Variants in SPECC1L observed in about 807,000 individuals in gnomAD.
The protein encoded by SPECC1L is cytospin-A.
In SPECC1L, 40 loss-of-function variants were observed where a neutral mutation model predicts 116.8. That is an observed-to-expected ratio of 0.34 (90% confidence interval 0.27 to 0.45). The LOEUF is 0.45. Among genes scored for constraint, SPECC1L ranks in the 20% least tolerant of loss-of-function variants. The probability of loss-of-function intolerance (pLI) is 1.00; values close to 1 mark genes in which losing one functional copy is unlikely to be tolerated. For synonymous variants in SPECC1L, 504 were observed against 500.6 expected (o/e 1.01, Z -0.09); for missense variants, 1,110 against 1,373.6 (o/e 0.81, Z 3.03).
intron 3 of SPECC1L, among the ~76,000 whole-genome samples, chr22:24,303,938 G>C (rs2049437876): frequency 6.6e-6 from 1 of 151,534 alleles, no homozygotes; most frequent in African/African-American, 2.4e-5. Context: ...TTTTCCTGGA[G>C]TGGAGCAATT....
At chr22:24,367,133 G>T (rs2041785077) in intron 13 of SPECC1L, among the ~76,000 whole-genome samples, 1 of 152,214 alleles carries the variant, frequency 6.6e-6, no homozygotes, top group Non-Finnish European at 1.5e-5. Context: ...GCCAGAGTAT[G>T]CAGTGAGCGA....
At chr22:24,294,357 T>G (rs925889005) in intron 2 of SPECC1L, among the ~76,000 whole-genome samples, 4 of 149,528 alleles carry the variant, frequency 2.7e-5, no homozygotes, top group Non-Finnish European at 5.9e-5. Flanking sequence ...TGTGAACTCC[T>G]TGAAAGTAGG....
chr22:24,343,129 GGT>G (rs1176905265), intron 10 of SPECC1L, among the ~76,000 whole-genome samples: 1 of 152,106 alleles, frequency 6.6e-6, no homozygotes, highest in Non-Finnish European at 1.5e-5. Context: ...GGGAGGCAGA[GGT>G]TGCAGTGAGC....
chr22:24,308,592 C>G (rs1043933390), intron 3 of SPECC1L, among the ~76,000 whole-genome samples: 2 of 152,178 alleles, frequency 1.3e-5, no homozygotes, highest in African/African-American at 4.8e-5. Context: ...TTACTGTGTT[C>G]GCTCTTGTAA....
chr22:24,321,174 T>C, intron 4 of SPECC1L, 114 bp from the exon 5 acceptor site: 1 of 1,178,314 alleles, frequency 8.5e-7, no homozygotes, highest in Non-Finnish European at 1.3e-6. Context: ...TAGATCTAAA[T>C]CATTGTGTAG....
chr22:24,340,227 C>T (rs1024561194), intron 10 of SPECC1L, among the ~76,000 whole-genome samples: 1 of 142,950 alleles, frequency 7.0e-6, no homozygotes, highest in Non-Finnish European at 1.5e-5. Context: ...CGGCTCACTG[C>T]AACCTCCACC....
intron 1 of SPECC1L, among the ~76,000 whole-genome samples, chr22:24,272,886 A>T (rs1427334217): frequency 6.6e-6 from 1 of 152,134 alleles, no homozygotes; most frequent in African/African-American, 2.4e-5. Context: ...CTTTTTTGAT[A>T]GCTGGAGAAT....
At position 24,328,837 on chromosome 22, in the gene SPECC1L, T is replaced by C. The variant is rs1418681587; in HGVS notation, c.2147-9T>C. On this transcript the variant is annotated splice_polypyrimidine_tract_variant and intron_variant, in intron 6 of 16. Coordinates refer to ENST00000314328, the MANE Select transcript of SPECC1L (RefSeq NM_015330.6). ...AGAATAGATATTTAAACTTTGGTGA[T>C]CTTTTCAGATACAGTTAAAAAACTC... is the stretch of plus-strand genomic sequence containing the variant. 3 of 1,606,504 alleles carry C rather than the reference T, an allele frequency of 1.9e-6. No homozygotes were observed. Among genetic ancestry groups the C allele is most frequent in the Non-Finnish European group, 2.6e-6 (3 of 1,173,302 alleles).
intron 1 of SPECC1L, among the ~76,000 whole-genome samples, chr22:24,276,388 A>T (rs188719757): frequency 2.8e-4 from 42 of 152,284 alleles, no homozygotes; most frequent in Non-Finnish European, 1.5e-5. Flanking sequence ...GCTAGGGATC[A>T]CACCACTGTT....
intron 11 of SPECC1L, among the ~76,000 whole-genome samples, chr22:24,351,271 C>T (rs1300138368): frequency 3.9e-5 from 6 of 152,188 alleles, no homozygotes; most frequent in Non-Finnish European, 5.9e-5. Context: ...TTTTCACAAG[C>T]ACCCCAAGTG....
intron 14 of SPECC1L, among the ~76,000 whole-genome samples, chr22:24,371,477 A>G (rs1442951487): frequency 2.0e-5 from 3 of 152,198 alleles, no homozygotes; most frequent in African/African-American, 7.2e-5. Flanking sequence ...AAATAAAAAG[A>G]TGGAAAGCAT....
At chr22:24,355,047 G>A (rs992206189) in intron 11 of SPECC1L, among the ~76,000 whole-genome samples, 7 of 151,408 alleles carry the variant, frequency 4.6e-5, no homozygotes, top group Non-Finnish European at 1.0e-4. Context: ...TTGGGAGGCC[G>A]AGGTGGGCGG....
intron 9 of SPECC1L, among the ~76,000 whole-genome samples, chr22:24,337,772 A>G (rs1278532372): frequency 6.6e-6 from 1 of 152,188 alleles, no homozygotes; most frequent in Non-Finnish European, 1.5e-5. Context: ...AGCCTTTACC[A>G]GAATCTGTGC....
At position 24,334,424 on chromosome 22, in the gene SPECC1L, G is replaced by A. The variant is rs760482462; in HGVS notation, c.2411G>A (p.Arg804Gln). 13 of 1,614,004 alleles carry A rather than the reference G, an allele frequency of 8.1e-6. No individual in the cohort carries two copies. Among genetic ancestry groups the A allele is most frequent in the African/African-American group, 2.7e-5 (2 of 74,908 alleles). The change falls in exon 9 of 17, where the codon CGA (arginine) becomes CAA (glutamine). Residue 804 changes from arginine (R) to glutamine (Q), a missense_variant. By Grantham distance (43) the Arg-to-Gln change is conservative. Coordinates refer to ENST00000314328, the MANE Select transcript of SPECC1L (RefSeq NM_015330.6). ...ATTATTTTCAGGCAAGAGGAGGAGC[G>A]AGGCCGGGTATACAATTACATGAAT... is the stretch of plus-strand genomic sequence containing the variant. ...EIKSRKQEEE[R>Q]GRVYNYMNAV...
chr22:24,342,148 A>T (rs2041189262), intron 10 of SPECC1L, among the ~76,000 whole-genome samples: 1 of 152,262 alleles, frequency 6.6e-6, no homozygotes, highest in South Asian at 2.1e-4. Flanking sequence ...TTTTAAAGGA[A>T]TACAGCAAAA....
At chr22:24,297,898 T>C (rs2049298669) in intron 2 of SPECC1L, among the ~76,000 whole-genome samples, 1 of 152,254 alleles carries the variant, frequency 6.6e-6, no homozygotes, top group Admixed American at 6.5e-5. Flanking sequence ...TTAGTTCACT[T>C]AATAATGGAC....
In SPECC1L at chr22:24,336,800, AATAG is replaced by A. The variant is rs145307288; in HGVS notation, c.2561-1582_2561-1579del. 1.4e-3 allele frequency among the ~76,000 whole-genome samples: 213 copies of A among 152,326 alleles called. 2 individuals are homozygous for A. The highest frequency in any genetic ancestry group is 4.8e-3 in the African/African-American group (201 of 41,570). On this transcript the variant is annotated intron_variant, in intron 9 of 16. Transcript: ENST00000314328. Reference sequence around the variant, plus strand: ...TAATTATATATTCAAAAGAACTGAAAATAGATAATCAGACAAATACAGTCCCTGA... The same window carrying A: ...TAATTATATATTCAAAAGAACTGAAAATAATCAGACAAATACAGTCCCTGA...
chr22:24,290,127 C>G (rs73167580), intron 2 of SPECC1L, among the ~76,000 whole-genome samples: 18 of 152,358 alleles, frequency 1.2e-4, no homozygotes, highest in African/African-American at 1.9e-4. Context: ...TCAGGCGTGA[C>G]TGAGCAGTCT....
At chr22:24,288,187 A>G (rs1014284771) in intron 2 of SPECC1L, among the ~76,000 whole-genome samples, 1 of 152,128 alleles carries the variant, frequency 6.6e-6, no homozygotes, top group Admixed American at 6.5e-5. Flanking sequence ...CCTTCCTTCC[A>G]AGTTTAACCA....
Sources: gnomAD v4.1 joint callset for allele counts (sites outside exome capture counted in the v4.1 genomes callset) on GRCh38, gnomAD v4.1.1 for gene constraint, MANE v1.5 for transcripts, NCBI Gene and HGNC (gene_info 2026-07-23, HGNC 2026-07-21) for gene names.